DCP1A: variants seen among roughly 807,000 people sequenced by gnomAD.
The protein encoded by DCP1A is mRNA-decapping enzyme 1A.
DCP1A carries 20 observed loss-of-function variants against 58.0 expected under a neutral mutation model. That is an observed-to-expected ratio of 0.34 (90% CI 0.24 to 0.50). The LOEUF (loss-of-function observed/expected upper bound fraction) is 0.50. Ranked by LOEUF, DCP1A falls within the 20% of genes least tolerant of loss-of-function variation. DCP1A has a pLI of 0.98. For missense variants in DCP1A, 613 were observed against 712.2 expected (o/e 0.86, Z 1.59); for synonymous variants, 285 against 275.1 (o/e 1.04, Z -0.36).
chr3:53,326,646 T>C (rs536354138), intron 3 of DCP1A, among the ~76,000 whole-genome samples: 15 of 152,310 alleles, frequency 9.8e-5, no homozygotes, highest in African/African-American at 3.6e-4. Context: ...GGGATCTAGA[T>C]TGTGGCTCCT....
At chr3:53,303,147 C>T (rs1553687590) in intron 6 of DCP1A, among the ~76,000 whole-genome samples, 1 of 152,004 alleles carries the variant, frequency 6.6e-6, no homozygotes, top group Non-Finnish European at 1.5e-5. Context: ...GAAGGGGTCT[C>T]ACTATGCTGC....
intron 7 of DCP1A, among the ~76,000 whole-genome samples, chr3:53,291,773 G>C (rs1449527961): frequency 6.6e-6 from 1 of 152,154 alleles, no homozygotes; most frequent in Non-Finnish European, 1.5e-5. Flanking sequence ...GGGAGATAGG[G>C]AGTTAAGCTT....
At chr3:53,287,941 C>T in intron 9 of DCP1A, 124 bp downstream of exon 9, 1 of 987,520 alleles carries the variant, frequency 1.0e-6, no homozygotes, top group Admixed American at 2.6e-5. Flanking sequence ...AGGTGTGAGC[C>T]ACTTTGCCTG....
chr3:53,289,309 G>T (rs574725758), intron 8 of DCP1A, among the ~76,000 whole-genome samples: 4 of 149,908 alleles, frequency 2.7e-5, no homozygotes, highest in Admixed American at 1.3e-4. Flanking sequence ...CAATAAAGAA[G>T]AATTTAAAAA....
Position 53,347,374 on chromosome 3 carries a change from G to A in DCP1A, c.135+9C>T, listed in dbSNP as rs963821646. On this transcript the variant is annotated intron_variant, in intron 1 of 9. Transcript: ENST00000610213. ...CGGGTGGCCGTCCTCAGGGCCAGGC[G>A]GCACTCACCCACTGGTTGGCCTTGG... is the stretch of plus-strand genomic sequence containing the variant. 6 of 1,578,994 alleles carry A rather than the reference G, an allele frequency of 3.8e-6. No individual in the cohort carries two copies. In the African/African-American group the frequency reaches 8.2e-5, roughly 22 times the overall value.
At chr3:53,293,087 T>C (rs1575594178) in intron 6 of DCP1A, among the ~76,000 whole-genome samples, 1 of 152,178 alleles carries the variant, frequency 6.6e-6, no homozygotes, top group Admixed American at 6.5e-5. Flanking sequence ...TTCACCATTC[T>C]TTTTCTTGGC....
chr3:53,321,605 G>A (rs1707968916), intron 3 of DCP1A, among the ~76,000 whole-genome samples: 1 of 152,144 alleles, frequency 6.6e-6, no homozygotes, highest in African/African-American at 2.4e-5. Context: ...CGTAATCCCA[G>A]CTACTCAGGA....
chr3:53,331,464 T>C (rs1226733306), intron 3 of DCP1A, among the ~76,000 whole-genome samples: 1 of 152,248 alleles, frequency 6.6e-6, no homozygotes. Context: ...TTCTTACCAA[T>C]GTGCTATAAC....
At chr3:53,307,685 C>G (rs1445201604) in intron 5 of DCP1A, among the ~76,000 whole-genome samples, 1 of 152,118 alleles carries the variant, frequency 6.6e-6, no homozygotes, top group Non-Finnish European at 1.5e-5. Context: ...AATGGGCAAT[C>G]AGACAAACCT....
intron 4 of DCP1A, among the ~76,000 whole-genome samples, chr3:53,316,364 C>G (rs1328682488): frequency 2.6e-5 from 4 of 152,120 alleles, no homozygotes; most frequent in African/African-American, 9.7e-5. Context: ...ATACAATATT[C>G]TCTTCAGCTA....
intron 2 of DCP1A, 71 bp from the exon 3 acceptor site, chr3:53,342,342 CTTTAT>C: frequency 8.7e-7 from 1 of 1,143,334 alleles, no homozygotes; most frequent in Middle Eastern, 2.2e-4. Flanking sequence ...CTACTATGTA[CTTTAT>C]TTTCATTTCA....
chr3:53,290,490 G>A (rs1706815622), intron 8 of DCP1A: 1 of 549,352 alleles, frequency 1.8e-6, no homozygotes, highest in Non-Finnish European at 3.2e-6. Flanking sequence ...AATGGACTCT[G>A]CCAGGACGGG....
intron 3 of DCP1A, among the ~76,000 whole-genome samples, chr3:53,330,857 ATT>A (rs35396974): frequency 0.015 from 1,408 of 93,574 alleles, 11 homozygotes; most frequent in African/African-American, 0.044. Context: ...AGTATATGTA[ATT>A]TTTTTTTTTT....
intron 3 of DCP1A, among the ~76,000 whole-genome samples, chr3:53,334,373 TTAACA>T (rs1171663549): frequency 6.6e-6 from 1 of 152,252 alleles, no homozygotes; most frequent in African/African-American, 2.4e-5. Context: ...TTTAGTTCAC[TTAACA>T]TTTGTTCTAA....
intron 4 of DCP1A, among the ~76,000 whole-genome samples, chr3:53,314,758 G>A (rs1283872514): frequency 1.5e-5 from 2 of 137,710 alleles, no homozygotes; most frequent in Admixed American, 8.1e-5. Context: ...TGCAACCTTC[G>A]ACTCCCGGGT....
chr3:53,294,304 G>A (rs143304225), intron 6 of DCP1A, among the ~76,000 whole-genome samples: 94 of 152,302 alleles, frequency 6.2e-4, no homozygotes, highest in African/African-American at 2.0e-3. Context: ...GCAGAGAAGA[G>A]GATGAGAACT....
At chr3:53,320,871 A>G (rs1707944808) in intron 3 of DCP1A, among the ~76,000 whole-genome samples, 1 of 152,242 alleles carries the variant, frequency 6.6e-6, no homozygotes, top group Non-Finnish European at 1.5e-5. Context: ...AAATGAAACC[A>G]CAGAAGTCAT....
At chr3:53,316,014 A>G (rs1170046174) in intron 4 of DCP1A, among the ~76,000 whole-genome samples, 1 of 151,996 alleles carries the variant, frequency 6.6e-6, no homozygotes, top group South Asian at 2.1e-4. Context: ...TTGGCCTCCC[A>G]AAGCGCTGGG....
intron 3 of DCP1A, chr3:53,329,111 T>A: frequency 2.7e-6 from 1 of 370,018 alleles, no homozygotes; most frequent in Non-Finnish European, 4.8e-6. Context: ...TGTAAACTTA[T>A]CTTGTAAGGA....
Sources: allele counts gnomAD v4.1 joint callset (sites outside exome capture counted in the v4.1 genomes callset), GRCh38; gene constraint gnomAD v4.1.1; transcripts MANE v1.5; gene names NCBI Gene and HGNC (gene_info 2026-07-23, HGNC 2026-07-21).